The following UNC5D variants were observed in gnomAD, a reference collection of about 807,000 sequenced individuals.
The protein encoded by UNC5D is unc-5 netrin receptor D.
A neutral mutation model predicts 105.4 loss-of-function variants in UNC5D; 39 were observed. The observed-to-expected ratio is 0.37, with a 90% confidence interval of 0.29 to 0.48. The LOEUF (loss-of-function observed/expected upper bound fraction) is 0.48, where lower values mean the gene tolerates loss of function less well. UNC5D is among the 20% of genes least tolerant of loss of function. UNC5D has a pLI of 0.98. For missense variants in UNC5D, 991 were observed against 1,202.4 expected (o/e 0.82, Z 2.60); for synonymous variants, 452 against 450.4 (o/e 1.00, Z -0.04).
chr8:35,460,527 A>G (rs1164044816), intron 1 of UNC5D, among the ~76,000 whole-genome samples: 1 of 152,238 alleles, frequency 6.6e-6, no homozygotes, highest in Non-Finnish European at 1.5e-5. Context: ...TGGGTAAGGT[A>G]AAGTTTAAAC....
chr8:35,709,769 G>T (rs1027855240), intron 8 of UNC5D, among the ~76,000 whole-genome samples: 2 of 152,092 alleles, frequency 1.3e-5, no homozygotes, highest in Admixed American at 6.6e-5. Flanking sequence ...AAACATTCTG[G>T]GTAGCTTGGG....
intron 13 of UNC5D, among the ~76,000 whole-genome samples, chr8:35,758,319 T>C (rs577314717): frequency 7.0e-4 from 106 of 152,222 alleles, no homozygotes; most frequent in African/African-American, 2.4e-3. Flanking sequence ...GTAAGTTTGA[T>C]TGTGTTTATA....
At chr8:35,435,960 A>C (rs1433586418) in intron 1 of UNC5D, among the ~76,000 whole-genome samples, 2 of 152,104 alleles carry the variant, frequency 1.3e-5, no homozygotes, top group Admixed American at 1.3e-4. Flanking sequence ...TCAAACTCTT[A>C]GAAAGTTTTA....
intron 1 of UNC5D, among the ~76,000 whole-genome samples, chr8:35,425,583 C>G (rs532295327): frequency 1.3e-5 from 2 of 152,168 alleles, no homozygotes; most frequent in Admixed American, 6.5e-5. Flanking sequence ...CAAAGCTGTA[C>G]TTTAGAAGGT....
At chr8:35,425,121 C>A (rs1222893921) in intron 1 of UNC5D, among the ~76,000 whole-genome samples, 1 of 152,086 alleles carries the variant, frequency 6.6e-6, no homozygotes, top group Non-Finnish European at 1.5e-5. Flanking sequence ...ACCAACATGG[C>A]ACATGTATAC....
chr8:35,775,512 C>A (rs1802205319), intron 16 of UNC5D, among the ~76,000 whole-genome samples: 1 of 144,104 alleles, frequency 6.9e-6, no homozygotes, highest in African/African-American at 3.0e-5. Flanking sequence ...ATGACATCTC[C>A]TCTCCCTGTA....
intron 5 of UNC5D, 34 bp from the exon 6 acceptor site, chr8:35,684,548 C>CT (rs779539950): frequency 2.5e-6 from 4 of 1,601,562 alleles, no homozygotes; most frequent in South Asian, 1.1e-5. Flanking sequence ...AACCTCTCTC[C>CT]TTTTTTTCTC....
At chr8:35,676,735 C>T (rs754520864) in intron 4 of UNC5D, among the ~76,000 whole-genome samples, 4 of 152,080 alleles carry the variant, frequency 2.6e-5, no homozygotes, top group African/African-American at 9.7e-5. Flanking sequence ...AGCACATATG[C>T]ACCATAACAT....
intron 1 of UNC5D, among the ~76,000 whole-genome samples, chr8:35,372,045 T>C (rs1046202725): frequency 6.6e-6 from 1 of 152,200 alleles, no homozygotes; most frequent in African/African-American, 2.4e-5. Flanking sequence ...CTTTTCCCCC[T>C]CACCCTGACC....
At chr8:35,631,473 A>G (rs550545522) in intron 4 of UNC5D, among the ~76,000 whole-genome samples, 5 of 152,356 alleles carry the variant, frequency 3.3e-5, no homozygotes, top group African/African-American at 1.2e-4. Flanking sequence ...ACTGCTGGGC[A>G]GTATCAGTTG....
chr8:35,663,074 T>C (rs1824209427), intron 4 of UNC5D, among the ~76,000 whole-genome samples: 1 of 152,178 alleles, frequency 6.6e-6, no homozygotes, highest in Admixed American at 6.5e-5. Context: ...GGAAAAATTG[T>C]CTTCCACAAA....
intron 1 of UNC5D, among the ~76,000 whole-genome samples, chr8:35,498,710 A>C (rs1469743612): frequency 6.6e-6 from 1 of 152,212 alleles, no homozygotes; most frequent in African/African-American, 2.4e-5. Context: ...GTCATCAGGC[A>C]TCAGCACAGA....
chr8:35,732,276 G>A (rs898517427), intron 11 of UNC5D, among the ~76,000 whole-genome samples: 4 of 152,170 alleles, frequency 2.6e-5, no homozygotes, highest in South Asian at 2.1e-4. Flanking sequence ...TACAGGGCTC[G>A]AGAGGCATGG....
rs529167848 is a variant in UNC5D, at chr8:35,774,531, A to G, written c.2657+54A>G. On this transcript the variant is annotated intron_variant, in intron 16 of 16. Coordinates refer to ENST00000404895, the MANE Select transcript of UNC5D (RefSeq NM_080872.4). ...TGTTACTAAGAGAACTTGGAAACAT[A>G]AAGTGGGCTAAGTGAAACCATGTAG... The G allele has an allele frequency of 3.8e-6, 6 of 1,592,384 alleles. No individual in the cohort carries two copies. In the African/African-American group the frequency reaches 5.4e-5, roughly 14 times the overall value.
chr8:35,442,902 T>TCACA (rs1163774548), intron 1 of UNC5D, among the ~76,000 whole-genome samples: 37 of 131,800 alleles, frequency 2.8e-4, no homozygotes, highest in African/African-American at 5.0e-4. Context: ...TCTCTCTCTC[T>TCACA]CTCACACACA....
chr8:35,398,536 A>C (rs972777427), intron 1 of UNC5D, among the ~76,000 whole-genome samples: 1 of 152,130 alleles, frequency 6.6e-6, no homozygotes, highest in Non-Finnish European at 1.5e-5. Flanking sequence ...ACATTAAAAA[A>C]AAAAAAGTGT....
At chr8:35,479,044 A>G (rs2129947209) in intron 1 of UNC5D, among the ~76,000 whole-genome samples, 1 of 152,324 alleles carries the variant, frequency 6.6e-6, no homozygotes, top group East Asian at 1.9e-4. Flanking sequence ...AACGTAGTTT[A>G]CAGAAACATC....
At chr8:35,450,676 A>G (rs1168733495) in intron 1 of UNC5D, among the ~76,000 whole-genome samples, 4 of 152,196 alleles carry the variant, frequency 2.6e-5, no homozygotes, top group Non-Finnish European at 5.9e-5. Context: ...GTAAAAAACT[A>G]CAGATTGTCT....
At chr8:35,624,239 G>A (rs1211229954) in intron 4 of UNC5D, among the ~76,000 whole-genome samples, 1 of 152,214 alleles carries the variant, frequency 6.6e-6, no homozygotes, top group African/African-American at 2.4e-5. Flanking sequence ...CAGATGAGAA[G>A]AGTGCTGTAT....
Sources: gnomAD v4.1 joint callset for allele counts (sites outside exome capture counted in the v4.1 genomes callset) on GRCh38, gnomAD v4.1.1 for gene constraint, MANE v1.5 for transcripts, NCBI Gene and HGNC (gene_info 2026-07-23, HGNC 2026-07-21) for gene names.